The following DCLK1 variants were observed in gnomAD, a reference collection of about 807,000 sequenced individuals.
DCLK1 encodes serine/threonine-protein kinase DCLK1.
A neutral mutation model predicts 86.2 loss-of-function variants in DCLK1; 16 were observed. That is an observed-to-expected ratio of 0.19 (90% CI 0.13 to 0.28). The LOEUF is 0.28. Among genes scored for constraint, DCLK1 ranks in the 10% least tolerant of loss-of-function variants. The pLI is 1.00. For missense variants in DCLK1, 590 were observed against 940.2 expected, an observed-to-expected ratio of 0.63 and a Z score of 4.87; for synonymous variants, 369 against 370.5, an observed-to-expected ratio of 1.00 and a Z score of 0.05.
chr13:35,836,270 G>A (rs1464148147), intron 7 of DCLK1, 129 bp from the exon 8 acceptor site: 8 of 751,030 alleles, frequency 1.1e-5, no homozygotes, highest in Non-Finnish European at 1.5e-5. Context: ...TCTGTACAGT[G>A]AGGCAACTGC....
intron 8 of DCLK1, among the ~76,000 whole-genome samples, chr13:35,832,663 C>T (rs1031189219): frequency 4.6e-5 from 7 of 152,190 alleles, no homozygotes; most frequent in Non-Finnish European, 1.0e-4. Flanking sequence ...GAGTTAGTAA[C>T]ACACCGTTTG....
chr13:35,788,341 G>A, intron 16 of DCLK1: 6 of 1,501,500 alleles, frequency 4.0e-6, no homozygotes, highest in South Asian at 3.4e-5. Flanking sequence ...AAAGAATTAA[G>A]ACTCCAGACC....
chr13:35,792,491 C>T (rs1002779719), intron 16 of DCLK1, among the ~76,000 whole-genome samples: 29 of 152,184 alleles, frequency 1.9e-4, no homozygotes, highest in African/African-American at 5.3e-4. Flanking sequence ...AGCATAAATA[C>T]TTTTGAAAAA....
intron 5 of DCLK1, among the ~76,000 whole-genome samples, chr13:35,865,290 T>A (rs1383959635): frequency 6.6e-6 from 1 of 151,864 alleles, no homozygotes; most frequent in Admixed American, 6.6e-5. Flanking sequence ...TACATTTTAC[T>A]AGATCTGTGT....
chr13:35,869,263 G>C (rs1872087998), intron 5 of DCLK1: 5 of 373,148 alleles, frequency 1.3e-5, no homozygotes, highest in South Asian at 8.2e-5. Context: ...CCTCTTCTCT[G>C]TGTGTGGGTG....
At chr13:36,080,402 A>C (rs1411254680) in intron 3 of DCLK1, among the ~76,000 whole-genome samples, 1 of 152,220 alleles carries the variant, frequency 6.6e-6, no homozygotes, top group African/African-American at 2.4e-5. Context: ...TTAGGGACTC[A>C]ATAAAGCTTC....
chr13:35,807,768 T>G (rs2153102377), intron 14 of DCLK1, among the ~76,000 whole-genome samples: 1 of 152,296 alleles, frequency 6.6e-6, no homozygotes, highest in South Asian at 2.1e-4. Flanking sequence ...GTGTTAAGTG[T>G]TCTGGAGAAA....
intron 4 of DCLK1, among the ~76,000 whole-genome samples, chr13:35,875,332 C>G (rs1023538661): frequency 2.0e-5 from 3 of 152,180 alleles, no homozygotes; most frequent in Non-Finnish European, 4.4e-5. Flanking sequence ...AGAAAGCTAA[C>G]AGATGGTACA....
chr13:36,025,761 C>T (rs1819599908), intron 3 of DCLK1, among the ~76,000 whole-genome samples: 2 of 152,082 alleles, frequency 1.3e-5, no homozygotes, highest in African/African-American at 4.8e-5. Flanking sequence ...AAAGATGGGA[C>T]AGCTTTTACC....
chr13:36,019,429 C>A (rs1881676370), intron 3 of DCLK1, among the ~76,000 whole-genome samples: 1 of 152,000 alleles, frequency 6.6e-6, no homozygotes, highest in African/African-American at 2.4e-5. Context: ...AATTATTTAT[C>A]CAGAGTCTTA....
intron 3 of DCLK1, among the ~76,000 whole-genome samples, chr13:36,021,058 A>G (rs1252053506): frequency 1.3e-5 from 2 of 152,166 alleles, no homozygotes; most frequent in African/African-American, 4.8e-5. Context: ...AGCTACAATT[A>G]TAACACCGCC....
At chr13:36,052,999 T>C (rs1883180835) in intron 3 of DCLK1, among the ~76,000 whole-genome samples, 1 of 152,164 alleles carries the variant, frequency 6.6e-6, no homozygotes, top group Admixed American at 6.6e-5. Flanking sequence ...CCTTGGGAAG[T>C]TCCATTTGTT....
intron 6 of DCLK1, chr13:35,849,137 G>A: frequency 8.1e-6 from 8 of 985,304 alleles, no homozygotes; most frequent in Non-Finnish European, 9.6e-6. Context: ...AATGCTGTTA[G>A]ATTGCCTGGA....
intron 16 of DCLK1, among the ~76,000 whole-genome samples, chr13:35,779,820 C>T (rs2086491377): frequency 6.6e-6 from 1 of 152,072 alleles, no homozygotes; most frequent in Non-Finnish European, 1.5e-5. Context: ...TAACTTGACT[C>T]TAAAATATAT....
At chr13:36,035,776 T>C (rs1882466739) in intron 3 of DCLK1, among the ~76,000 whole-genome samples, 1 of 152,134 alleles carries the variant, frequency 6.6e-6, no homozygotes, top group African/African-American at 2.4e-5. Context: ...CGTACATACT[T>C]TTTTAGGTAT....
At chr13:35,954,836 T>G (rs1273828234) in intron 3 of DCLK1, among the ~76,000 whole-genome samples, 1 of 152,120 alleles carries the variant, frequency 6.6e-6, no homozygotes, top group Admixed American at 6.5e-5. Flanking sequence ...TCTAAGACTT[T>G]TTTTTAAAAA....
At chr13:35,978,379 T>C (rs909079594) in intron 3 of DCLK1, among the ~76,000 whole-genome samples, 4 of 151,986 alleles carry the variant, frequency 2.6e-5, no homozygotes, top group African/African-American at 7.3e-5. Flanking sequence ...CTAATTTTTG[T>C]ATTTTTAGTA....
At chr13:35,859,747 T>G (rs1401503111) in intron 5 of DCLK1, among the ~76,000 whole-genome samples, 1 of 152,222 alleles carries the variant, frequency 6.6e-6, no homozygotes, top group Non-Finnish European at 1.5e-5. Flanking sequence ...TAGTACATGC[T>G]AGATTCTTAT....
At chr13:36,092,493 T>C (rs1884863299) in intron 3 of DCLK1, among the ~76,000 whole-genome samples, 2 of 142,506 alleles carry the variant, frequency 1.4e-5, no homozygotes, top group South Asian at 2.3e-4. Context: ...CTTTTTTTTT[T>C]TTTTTTTTTT....
Sources: allele counts gnomAD v4.1 joint callset (sites outside exome capture counted in the v4.1 genomes callset), GRCh38; gene constraint gnomAD v4.1.1; transcripts MANE v1.5; gene names NCBI Gene and HGNC (gene_info 2026-07-23, HGNC 2026-07-21).